Variants in NHS observed in about 807,000 individuals in gnomAD.
NHS encodes actin remodeling regulator NHS.
Under a neutral mutation model 72.5 loss-of-function variants are expected in NHS, and 5 were observed. That is an observed-to-expected ratio of 0.07 (90% CI 0.04 to 0.14). The LOEUF is 0.14. NHS is among the 10% of genes least tolerant of loss of function. The pLI is 1.00. For synonymous variants in NHS, 464 were observed against 547.7 expected, an observed-to-expected ratio of 0.85 and a Z score of 2.13; for missense variants, 1,072 against 1,355.7, an observed-to-expected ratio of 0.79 and a Z score of 3.29.
At chrX:17,440,714 C>T (rs889577694) in intron 1 of NHS, among the ~76,000 whole-genome samples, 76 of 111,651 alleles carry the variant, frequency 6.8e-4, no homozygotes, top group African/African-American at 2.4e-3. Context: ...GTCTCTCTGG[C>T]CTCAGTTCAG....
At chrX:17,433,068 T>C (rs750929930) in intron 1 of NHS, among the ~76,000 whole-genome samples, 28 of 110,386 alleles carry the variant, frequency 2.5e-4, no homozygotes, top group South Asian at 7.9e-4. Context: ...CTCGCTCTGT[T>C]GCCCAGGCTG....
chrX:17,390,323 G>A lies in NHS; in HGVS notation c.565+14001G>A, dbSNP rs150982191. ...GCCTGTATTTATATTTTAATAATGC[G>A]AGGAAAGCTTTATTTTCCTTTTAAA... On this transcript the variant is annotated intron_variant, in intron 1 of 8. Coordinates refer to ENST00000676302, the MANE Select transcript of NHS (RefSeq NM_001291867.2). Among the ~76,000 whole-genome samples the A allele has an allele frequency of 6.2e-4, 69 of 111,986 alleles. 1 individual carries two copies. The East Asian group carries it at 0.015, about 24-fold the overall frequency.
chrX:17,691,973 G>A (rs2066198533), intron 2 of NHS, among the ~76,000 whole-genome samples: 1 of 111,801 alleles, frequency 8.9e-6, no homozygotes, highest in Non-Finnish European at 1.9e-5. Flanking sequence ...TGTTTTGTCT[G>A]TGCCTACTTT....
chrX:17,625,399 C>T (rs1273948229), intron 1 of NHS, among the ~76,000 whole-genome samples: 4 of 111,881 alleles, frequency 3.6e-5, no homozygotes, highest in Non-Finnish European at 7.5e-5. Context: ...CTGAACAAAA[C>T]TTGAGAACCA....
intron 3 of NHS, among the ~76,000 whole-genome samples, chrX:17,711,481 TAAAC>T (rs759505004): frequency 8.9e-6 from 1 of 112,598 alleles, no homozygotes; most frequent in Non-Finnish European, 1.9e-5. Flanking sequence ...AGGATGTGAT[TAAAC>T]AAAGTGTTCT....
chrX:17,719,264 C>A, intron 3 of NHS, 80 bp from the exon 4 acceptor site: 1 of 807,643 alleles, frequency 1.2e-6, no homozygotes, highest in Non-Finnish European at 1.8e-6. Context: ...TTATTAATAT[C>A]ATAGATTTGG....
chrX:17,627,627 G>C (rs2147066143), intron 1 of NHS, among the ~76,000 whole-genome samples: 1 of 112,392 alleles, frequency 8.9e-6, no homozygotes, highest in South Asian at 3.7e-4. Context: ...AGAACTATTA[G>C]GGACCTCAGT....
intron 1 of NHS, among the ~76,000 whole-genome samples, chrX:17,430,555 C>T (rs763977614): frequency 2.7e-4 from 29 of 109,158 alleles, no homozygotes; most frequent in Admixed American, 1.3e-3. Context: ...CCATTTAAAG[C>T]GTACAGTTTA....
At chrX:17,650,355 T>C (rs759937437) in intron 1 of NHS, among the ~76,000 whole-genome samples, 2 of 112,650 alleles carry the variant, frequency 1.8e-5, no homozygotes, top group African/African-American at 3.2e-5. Context: ...CATAGAAAAA[T>C]TGACTTACAC....
chrX:17,397,875 G>A (rs888550250), intron 1 of NHS, among the ~76,000 whole-genome samples: 3 of 111,813 alleles, frequency 2.7e-5, no homozygotes, highest in South Asian at 7.6e-4. Flanking sequence ...GAGGGATGTG[G>A]TAATCACTGG....
chrX:17,473,526 G>A (rs1230238240), intron 1 of NHS, among the ~76,000 whole-genome samples: 2 of 112,095 alleles, frequency 1.8e-5, no homozygotes, highest in Non-Finnish European at 3.8e-5. Flanking sequence ...TTTAAAATGG[G>A]TGTTTGATTC....
intron 1 of NHS, among the ~76,000 whole-genome samples, chrX:17,456,364 A>T (rs1401307883): frequency 8.9e-6 from 1 of 111,782 alleles, no homozygotes; most frequent in African/African-American, 3.3e-5. Flanking sequence ...GTAAACAGAG[A>T]TGGCAAATAA....
rs570927059 is a variant in NHS, at chrX:17,468,469, C to T, written c.565+92147C>T. Among the ~76,000 whole-genome samples, 20 of 109,107 alleles carry T rather than the reference C, an allele frequency of 1.8e-4. No individual in the cohort carries two copies. The South Asian group carries it at 4.9e-3, about 27-fold the overall frequency. 94.7% of individuals were successfully genotyped at this position (109,107 alleles called of 115,157 possible). On this transcript the variant is annotated intron_variant, in intron 1 of 8. Transcript: ENST00000676302. ...TTTTTCTTACTGAGAACACCAAAAC[C>T]GATGATCACCACAGGAAGACTTAGT...
chrX:17,548,662 A>T (rs2065307008), intron 1 of NHS, among the ~76,000 whole-genome samples: 1 of 112,176 alleles, frequency 8.9e-6, no homozygotes, highest in African/African-American at 3.2e-5. Context: ...ACACACTTGT[A>T]CACACATCTT....
At chrX:17,548,722 G>T (rs1380427274) in intron 1 of NHS, among the ~76,000 whole-genome samples, 1 of 111,729 alleles carries the variant, frequency 9.0e-6, no homozygotes, top group Admixed American at 9.4e-5. Flanking sequence ...CCACATACAT[G>T]CATGATCTTC....
At chrX:17,682,199 C>G (rs2066134119) in intron 1 of NHS, among the ~76,000 whole-genome samples, 1 of 111,508 alleles carries the variant, frequency 9.0e-6, no homozygotes, top group African/African-American at 3.3e-5. Context: ...TCCCATCCTC[C>G]CAATAGATCT....
chrX:17,429,351 C>T (rs968336403), intron 1 of NHS, among the ~76,000 whole-genome samples: 11 of 111,110 alleles, frequency 9.9e-5, no homozygotes, highest in African/African-American at 2.6e-4. Flanking sequence ...ATTTGATCCA[C>T]GGCGTCATCA....
intron 1 of NHS, among the ~76,000 whole-genome samples, chrX:17,470,533 G>A (rs2064888030): frequency 9.0e-6 from 1 of 111,562 alleles, no homozygotes; most frequent in South Asian, 3.8e-4. Flanking sequence ...GATGTTATAC[G>A]ATTGTTGCTG....
At chrX:17,475,947 C>A (rs1448643099) in intron 1 of NHS, among the ~76,000 whole-genome samples, 2 of 111,737 alleles carry the variant, frequency 1.8e-5, no homozygotes, top group Non-Finnish European at 3.8e-5. Flanking sequence ...CCCTCCCCTG[C>A]TACATGTCAT....
Sources: allele counts gnomAD v4.1 joint callset (sites outside exome capture counted in the v4.1 genomes callset), GRCh38; gene constraint gnomAD v4.1.1; transcripts MANE v1.5; gene names NCBI Gene and HGNC (gene_info 2026-07-23, HGNC 2026-07-21).